Variants in USP3 observed in about 807,000 individuals in gnomAD.
USP3 encodes ubiquitin carboxyl-terminal hydrolase 3.
A neutral mutation model predicts 72.3 loss-of-function variants in USP3; 20 were observed. The ratio of observed to expected loss-of-function variants is 0.28; its 90% CI spans 0.19 to 0.40. The LOEUF (loss-of-function observed/expected upper bound fraction) is 0.40, where lower values mean the gene tolerates loss of function less well. USP3 is among the 10% of genes least tolerant of loss of function. The pLI is 1.00. For synonymous variants in USP3, 222 were observed against 225.3 expected (o/e 0.99, Z 0.13); for missense variants, 479 against 633.9 (o/e 0.76, Z 2.62).
At chr15:63,589,879 C>T (rs888370220) in intron 14 of USP3, among the ~76,000 whole-genome samples, 1 of 148,384 alleles carries the variant, frequency 6.7e-6, no homozygotes, top group African/African-American at 2.6e-5. Flanking sequence ...TAAGCTCCTC[C>T]ATAAAATATT....
chr15:63,509,388 A>C (rs554004967), intron 1 of USP3, among the ~76,000 whole-genome samples: 13 of 152,248 alleles, frequency 8.5e-5, no homozygotes, highest in Admixed American at 2.0e-4. Context: ...CTTTCCCCAG[A>C]ATGCTTTCAC....
intron 8 of USP3, among the ~76,000 whole-genome samples, chr15:63,563,414 G>A (rs1028196421): frequency 3.9e-5 from 6 of 152,168 alleles, no homozygotes; most frequent in East Asian, 1.9e-4. Context: ...TGAACTGTTC[G>A]GAGCTGAGTT....
At chr15:63,522,721 C>A (rs1244423403) in intron 1 of USP3, among the ~76,000 whole-genome samples, 1 of 152,084 alleles carries the variant, frequency 6.6e-6, no homozygotes, top group Non-Finnish European at 1.5e-5. Context: ...GGCTTGTAAC[C>A]CCATTTTATT....
Position 63,558,300 on chromosome 15 carries a change from C to T in USP3, c.533+112C>T, listed in dbSNP as rs1421993771. On this transcript the variant is annotated intron_variant, in intron 6 of 14. Transcript: ENST00000380324. ...AGTCATATGGTTTGGAGCAAGATAC[C>T]TTAATTTCCTGTGCTTTTGTTTCCT... is the stretch of plus-strand genomic sequence containing the variant. 1.1e-5 allele frequency: 13 copies of T among 1,171,174 alleles called. No homozygotes were observed. In the East Asian group the frequency reaches 3.1e-4, roughly 28 times the overall value. 72.5% of individuals were successfully genotyped at this position (1,171,174 alleles called of 1,614,324 possible).
chr15:63,523,510 AT>A (rs2065944356), intron 1 of USP3, among the ~76,000 whole-genome samples: 1 of 152,212 alleles, frequency 6.6e-6, no homozygotes, highest in East Asian at 1.9e-4. Context: ...TGTTTGGTAC[AT>A]TTTTGTATAA....
chr15:63,545,579 G>GT lies in USP3; in HGVS notation c.285-8127dup, dbSNP rs200281421. On this transcript the variant is annotated intron_variant, in intron 3 of 14. Transcript: ENST00000380324. The stretch of plus-strand genomic sequence containing the variant: ...CCCTAGTACAATTTTCAAGTATTTT[G>GT]TTTTTTTTTAATGTTCAGTGTACTT... Among the ~76,000 whole-genome samples, 1,122 of 148,760 alleles carry GT rather than the reference G, an allele frequency of 7.5e-3. 6 individuals are homozygous for GT. Among genetic ancestry groups the GT allele is most frequent in the Middle Eastern group, 0.021 (6 of 290 alleles).
chr15:63,533,453 G>A (rs1172744167), intron 2 of USP3, among the ~76,000 whole-genome samples: 1 of 152,010 alleles, frequency 6.6e-6, no homozygotes, highest in African/African-American at 2.4e-5. Flanking sequence ...CAAGTATATT[G>A]TCTGTGGTTT....
chr15:63,547,753 GGAGGGAGGGAGAGAGAGA>G lies in USP3; in HGVS notation c.285-5958_285-5941del, dbSNP rs1177349599. Among the ~76,000 whole-genome samples, 40 of 40,268 alleles carry G rather than the reference GGAGGGAGGGAGAGAGAGA, an allele frequency of 9.9e-4. 3 individuals carry two copies. Among genetic ancestry groups the G allele is most frequent in the African/African-American group, 3.7e-3 (37 of 9,994 alleles). The allele number at this position is 40,268 out of a possible 152,430, so 26.4% of individuals were successfully genotyped here. ...GAGAGAGAGAGAGAGAGGGAGGGAG[GGAGGGAGGGAGAGAGAGA>G]GAGAGAGAGAGAGAGAGAGAGAGAG... is the stretch of plus-strand genomic sequence containing the variant. On this transcript the variant is annotated intron_variant, in intron 3 of 14. Coordinates refer to ENST00000380324, the MANE Select transcript of USP3 (RefSeq NM_006537.4).
In USP3 at chr15:63,585,010, T is replaced by C. The variant is rs193293736; in HGVS notation, c.1097-3295T>C. 2.1e-3 allele frequency among the ~76,000 whole-genome samples: 327 copies of C among 152,356 alleles called. 1 individual carries two copies. The highest frequency in any genetic ancestry group is 3.5e-3 in the Non-Finnish European group (237 of 68,028). On this transcript the variant is annotated intron_variant, in intron 11 of 14. Coordinates refer to ENST00000380324, the MANE Select transcript of USP3 (RefSeq NM_006537.4). ...GCACCATCTTTTGAAAAGATTGTCC[T>C]TTCCCCATTGAGTAGTCTTGTCATT...
chr15:63,557,007 GC>G, intron 5 of USP3: 1 of 267,264 alleles, frequency 3.7e-6, no homozygotes, highest in Non-Finnish European at 7.2e-6. Context: ...CTTAATACTT[GC>G]TCACACTCCT....
chr15:63,535,719 G>A (rs552374747), intron 2 of USP3, among the ~76,000 whole-genome samples: 4 of 152,336 alleles, frequency 2.6e-5, no homozygotes, highest in South Asian at 4.1e-4. Flanking sequence ...TGCCTTGAAT[G>A]TGCCCAGTTT....
Position 63,588,884 on chromosome 15 carries a change from G to T in USP3, c.1330-60G>T. 6.2e-7 allele frequency: 1 copy of T among 1,610,896 alleles called. No homozygotes were observed. ...AGTAAGATTGTCATCACATGGAGAGGGTAGAGGTCATCGAGATACTGATGT... is the reference window on the plus strand; with the variant it reads ...AGTAAGATTGTCATCACATGGAGAGTGTAGAGGTCATCGAGATACTGATGT... On this transcript the variant is annotated intron_variant, in intron 13 of 14. Transcript: ENST00000380324. The surrounding 1 kb of genome is among the most constrained non-coding windows in gnomAD (Gnocchi z 4.6).
chr15:63,566,351 C>T (rs1011901122), intron 8 of USP3, among the ~76,000 whole-genome samples: 10 of 150,928 alleles, frequency 6.6e-5, no homozygotes, highest in African/African-American at 1.2e-4. Context: ...GCTTTGTAGC[C>T]GAGACTGGAG....
At chr15:63,560,233 T>C (rs1329447100) in intron 7 of USP3, among the ~76,000 whole-genome samples, 1 of 152,034 alleles carries the variant, frequency 6.6e-6, no homozygotes, top group East Asian at 1.9e-4. Context: ...CTGGTCAACA[T>C]GGTGAAACCC....
chr15:63,592,796 T>C lies in USP3; in HGVS notation c.*1970T>C, dbSNP rs1022338588. On this transcript the variant is annotated 3_prime_UTR_variant, in exon 15 of 15. Coordinates refer to ENST00000380324, the MANE Select transcript of USP3 (RefSeq NM_006537.4). ...TTAAGTTTATGATATAAAAACAGTCTGGTGGCTTTCCCTCAGGTTGGATAT... is the reference window on the plus strand; with the variant it reads ...TTAAGTTTATGATATAAAAACAGTCCGGTGGCTTTCCCTCAGGTTGGATAT... 6.6e-6 allele frequency: 1 copy of C among 151,984 alleles called. No individual in the cohort carries two copies. Among genetic ancestry groups the C allele is most frequent in the African/African-American group, 2.4e-5 (1 of 41,366 alleles). 9.4% of individuals were successfully genotyped at this position (151,984 alleles called of 1,614,324 possible). A position where few individuals can be genotyped will look rare whatever the true frequency, so the allele number is the denominator to read the frequency against.
At chr15:63,559,002 C>T (rs536948859) in intron 6 of USP3, among the ~76,000 whole-genome samples, 3 of 152,206 alleles carry the variant, frequency 2.0e-5, no homozygotes, top group Admixed American at 1.3e-4. Context: ...CCCTGGGTTA[C>T]AGAGAGCCTT....
intron 7 of USP3, among the ~76,000 whole-genome samples, chr15:63,560,608 A>G (rs2066593327): frequency 6.6e-6 from 1 of 151,990 alleles, no homozygotes; most frequent in South Asian, 2.1e-4. Context: ...AGTGTTAGGT[A>G]AACCTGTCTT....
intron 3 of USP3, among the ~76,000 whole-genome samples, chr15:63,548,451 G>A (rs776431191): frequency 1.4e-4 from 21 of 151,976 alleles, no homozygotes; most frequent in Middle Eastern, 6.8e-3. Context: ...TCAGCTTCCC[G>A]AGTAGCTGGG....
At chr15:63,575,634 A>G (rs2066851308) in intron 11 of USP3, among the ~76,000 whole-genome samples, 1 of 152,222 alleles carries the variant, frequency 6.6e-6, no homozygotes, top group Admixed American at 6.5e-5. Context: ...TCTCCTTAAC[A>G]GGAATACAGA....
Sources: gnomAD v4.1 joint callset for allele counts (sites outside exome capture counted in the v4.1 genomes callset) on GRCh38, gnomAD v4.1.1 for gene constraint, Gnocchi (gnomAD v3.1) non-coding constraint, MANE v1.5 for transcripts, NCBI Gene and HGNC (gene_info 2026-07-23, HGNC 2026-07-21) for gene names.